Variants in NT5C1B observed in about 807,000 individuals in gnomAD.
NT5C1B encodes the protein cytosolic 5'-nucleotidase 1B.
NT5C1B carries 44 observed loss-of-function variants against 57.8 expected under a neutral mutation model. The observed-to-expected ratio is 0.76, with a 90% CI of 0.60 to 0.98. The LOEUF (loss-of-function observed/expected upper bound fraction) is 0.98, where lower values mean the gene tolerates loss of function less well. Ranked by LOEUF, NT5C1B falls within the 50% of genes least tolerant of loss-of-function variation. NT5C1B has a pLI of 0.00. For missense variants in NT5C1B, 742 were observed against 719.5 expected (o/e 1.03, Z -0.36); for synonymous variants, 284 against 282.6 (o/e 1.00, Z -0.05).
Position 18,584,489 on chromosome 2 carries a change from T to TGCCAGGGGCGGCGGGCTGGCTCACCG in NT5C1B, c.722_723+24dup, listed in dbSNP as rs765567255. The TGCCAGGGGCGGCGGGCTGGCTCACCG allele has an allele frequency of 6.3e-7, 1 of 1,599,124 alleles. No individual in the cohort carries two copies. Among genetic ancestry groups the TGCCAGGGGCGGCGGGCTGGCTCACCG allele is most frequent in the South Asian group, 1.1e-5 (1 of 89,244 alleles). On this transcript the variant is annotated intron_variant, in intron 4 of 8. Transcript: ENST00000304081. The surrounding 1 kb of genome is among the most constrained non-coding windows in gnomAD (Gnocchi z 5.8). ...AGGCTGCAAGGAAGGGCGCCCCGGC[T>TGCCAGGGGCGGCGGGCTGGCTCACCG]GCCAGGGGCGGCGGGCTGGCTCACC...
Position 18,584,699 on chromosome 2 carries a change from G to C in NT5C1B, c.538C>G (p.Pro180Ala). The change falls in exon 4 of 9, where the codon CCC becomes GCC. Residue 180 changes from proline (P) to alanine (A), a missense_variant. Coordinates refer to ENST00000304081, the Ensembl canonical transcript of NT5C1B. The surrounding 1 kb of genome is among the most constrained non-coding windows in gnomAD (Gnocchi z 5.8). The stretch of plus-strand genomic sequence containing the variant: ...TGGCTGGAGGACTTCCACTCGGTGG[G>C]GGACGTGCGCGAATATTCCAGCGGC... The C allele has an allele frequency of 6.2e-7, 1 of 1,612,288 alleles. No individual in the cohort carries two copies.
At chr2:18,575,688 T>G (rs995893004) in intron 8 of NT5C1B, among the ~76,000 whole-genome samples, 18 of 152,180 alleles carry the variant, frequency 1.2e-4, no homozygotes, top group African/African-American at 4.3e-4. Flanking sequence ...TTCAGTTTGA[T>G]TACATATTCA....
chr2:18,578,207 T>A (rs553377895), intron 6 of NT5C1B, among the ~76,000 whole-genome samples: 1 of 152,120 alleles, frequency 6.6e-6, no homozygotes, highest in Non-Finnish European at 1.5e-5. Context: ...GAAGAACTGG[T>A]ATGAATCCTA....
chr2:18,580,404 G>A (rs1666079119), intron 6 of NT5C1B, among the ~76,000 whole-genome samples: 2 of 152,114 alleles, frequency 1.3e-5, no homozygotes, highest in South Asian at 2.1e-4. Context: ...ATCTGAGGTC[G>A]GGAGTTTGAG....
chr2:18,585,474 C>G (rs1003592656), intron 3 of NT5C1B, among the ~76,000 whole-genome samples: 2 of 152,174 alleles, frequency 1.3e-5, no homozygotes, highest in Admixed American at 6.5e-5. Context: ...GCATGTCTCT[C>G]CCCGCTCCCC....
At chr2:18,567,069 G>T (rs988356881) in intron 8 of NT5C1B, among the ~76,000 whole-genome samples, 1 of 152,146 alleles carries the variant, frequency 6.6e-6, no homozygotes, top group Non-Finnish European at 1.5e-5. Flanking sequence ...GAAGCCCTAG[G>T]ATCCACAGGC....
At chr2:18,569,756 A>T (rs1228631558) in intron 8 of NT5C1B, among the ~76,000 whole-genome samples, 1 of 152,134 alleles carries the variant, frequency 6.6e-6, no homozygotes, top group Non-Finnish European at 1.5e-5. Flanking sequence ...TCTCAAATAT[A>T]TTTGGAGATT....
At chr2:18,576,863 C>T (rs2148130395) in exon 7 of NT5C1B, 3 of 1,613,700 alleles carry the variant, frequency 1.9e-6, no homozygotes, top group South Asian at 1.1e-5. Flanking sequence ...GGGTCTTTTC[C>T]CCCGGTCAGA....
rs746909085 is a variant in NT5C1B, at chr2:18,584,547, G to C, written c.690C>G (p.Tyr230Ter). The C allele has an allele frequency of 1.9e-6, 3 of 1,612,118 alleles. No individual in the cohort carries two copies. The highest frequency in any genetic ancestry group is 2.7e-5 in the African/African-American group (2 of 74,848). ...GGCGCGAGCAGCTCGGGTTCTTCTC[G>C]TAGAACGACCTCATGGATGCCCAGT... The change falls in exon 4 of 9, where the codon TAC (tyrosine) becomes TAG (stop). Residue 230 changes from tyrosine to a stop codon, truncating the protein, a stop_gained. Coordinates refer to ENST00000304081, the Ensembl canonical transcript of NT5C1B. LOFTEE classifies it high-confidence loss of function. This position sits in a 1 kb window ranked among gnomAD's most constrained non-coding sequence, Gnocchi z 5.8.
At chr2:18,569,141 A>G (rs1004534103) in intron 8 of NT5C1B, among the ~76,000 whole-genome samples, 4 of 152,200 alleles carry the variant, frequency 2.6e-5, no homozygotes, top group African/African-American at 4.8e-5. Context: ...AGGTTCTTAC[A>G]GTACATATGA....
At position 18,584,318 on chromosome 2, in the gene NT5C1B, T is replaced by C; in HGVS notation, c.724-63A>G. On this transcript the variant is annotated intron_variant, in intron 4 of 8. Coordinates refer to ENST00000304081, the Ensembl canonical transcript of NT5C1B. The surrounding 1 kb of genome is among the most constrained non-coding windows in gnomAD (Gnocchi z 5.8). ...GCCACGAAGAGGACAGGGTTGGGGC[T>C]CCTCCAGGGTAGGGTGAGAGTAGGA... The C allele has an allele frequency of 6.3e-7, 1 of 1,580,798 alleles. No individual in the cohort carries two copies. Among genetic ancestry groups the C allele is most frequent in the Non-Finnish European group, 8.6e-7 (1 of 1,163,156 alleles).
intron 3 of NT5C1B, among the ~76,000 whole-genome samples, 190 bp downstream of exon 3, chr2:18,586,064 A>C (rs1207821189): frequency 7.9e-5 from 12 of 152,168 alleles, no homozygotes; most frequent in Non-Finnish European, 1.6e-4. Flanking sequence ...ACCTTAAACA[A>C]GTTCCCTCTG....
chr2:18,568,381 A>G (rs1429561389), intron 8 of NT5C1B, among the ~76,000 whole-genome samples: 2 of 152,208 alleles, frequency 1.3e-5, no homozygotes, highest in Non-Finnish European at 2.9e-5. Flanking sequence ...TTAGGCAAAG[A>G]AAAACAGAGA....
Position 18,584,076 on chromosome 2 carries a change from C to G in NT5C1B, c.891+12G>C, listed in dbSNP as rs1342723315. ...GAGTGTCCTGGCGGGCCAAAGACAG[C>G]TTGCAGAATACCTTGACGAAGCGGA... On this transcript the variant is annotated intron_variant, in intron 5 of 8. Coordinates refer to ENST00000304081, the Ensembl canonical transcript of NT5C1B. This position sits in a 1 kb window ranked among gnomAD's most constrained non-coding sequence, Gnocchi z 5.8. 6.2e-7 allele frequency: 1 copy of G among 1,614,080 alleles called. No homozygotes were observed. Among genetic ancestry groups the G allele is most frequent in the East Asian group, 2.2e-5 (1 of 44,878 alleles).
intron 6 of NT5C1B, among the ~76,000 whole-genome samples, chr2:18,579,493 A>G (rs1572354751): frequency 6.6e-6 from 1 of 152,334 alleles, no homozygotes; most frequent in Admixed American, 6.5e-5. Flanking sequence ...CCACACACCT[A>G]CAACCATCTG....
intron 1 of NT5C1B, among the ~76,000 whole-genome samples, chr2:18,588,010 C>T (rs1666878521): frequency 3.3e-5 from 5 of 152,114 alleles, no homozygotes. Flanking sequence ...ATCATCACTA[C>T]AGCTCAAACT....
intron 5 of NT5C1B, 151 bp from the exon 6 acceptor site, chr2:18,583,148 G>T: frequency 1.9e-6 from 2 of 1,041,196 alleles, no homozygotes; most frequent in Non-Finnish European, 2.6e-6. Context: ...TTTATCCCAT[G>T]CATTTCTGTA....
At chr2:18,586,618 T>C in intron 2 of NT5C1B, 1 of 682,856 alleles carries the variant, frequency 1.5e-6, no homozygotes. Context: ...TGAAAGAGCA[T>C]CCAAAACCAA....
In NT5C1B at chr2:18,576,714, G is replaced by T. The variant is rs564136779; in HGVS notation, c.1144+59C>A. ...CTCATAATCATATGCGAAACTTAAT[G>T]TAAGTCACCATTAGTGTAAACCTCT... On this transcript the variant is annotated intron_variant, in intron 7 of 8. Coordinates refer to ENST00000304081, the Ensembl canonical transcript of NT5C1B. The T allele has an allele frequency of 2.5e-6, 4 of 1,592,658 alleles. No individual in the cohort carries two copies. The East Asian group carries it at 6.7e-5, about 27-fold the overall frequency.
Sources: gnomAD v4.1 joint callset for allele counts (sites outside exome capture counted in the v4.1 genomes callset) on GRCh38, gnomAD v4.1.1 for gene constraint, Gnocchi (gnomAD v3.1) non-coding constraint, MANE v1.5 for transcripts, NCBI Gene and HGNC (gene_info 2026-07-23, HGNC 2026-07-21) for gene names.